CAPZA1: variants seen among roughly 807,000 people sequenced by gnomAD.
CAPZA1 encodes capping actin protein of muscle Z-line subunit alpha 1.
Under a neutral mutation model 40.8 loss-of-function variants are expected in CAPZA1, and 10 were observed. The ratio of observed to expected loss-of-function variants is 0.25; its 90% CI spans 0.15 to 0.42. The LOEUF (loss-of-function observed/expected upper bound fraction) is 0.42. Among genes scored for constraint, CAPZA1 ranks in the 10% least tolerant of loss-of-function variants. The probability of loss-of-function intolerance (pLI) is 1.00; values close to 1 mark genes in which losing one functional copy is unlikely to be tolerated. For missense variants in CAPZA1, 277 were observed against 353.8 expected (o/e 0.78, Z 1.74); for synonymous variants, 98 against 115.0 (o/e 0.85, Z 0.95).
At position 112,628,095 on chromosome 1, in the gene CAPZA1, A is replaced by G. The variant is rs114902286; in HGVS notation, c.39+8212A>G. On this transcript the variant is annotated intron_variant, in intron 1 of 9. Coordinates refer to ENST00000263168, the MANE Select transcript of CAPZA1 (RefSeq NM_006135.3). ...TAAAGATCACTAAAGTCCCCGTAAC[A>G]AGGCCAAGGAGAAACTTTACAGTAT... Among the ~76,000 whole-genome samples, 1,208 of 152,352 alleles carry G rather than the reference A, an allele frequency of 7.9e-3. 17 individuals are homozygous for G. Among genetic ancestry groups the G allele is most frequent in the African/African-American group, 0.028 (1,149 of 41,574 alleles).
At chr1:112,621,129 C>CT (rs1267260973) in intron 1 of CAPZA1, among the ~76,000 whole-genome samples, 1 of 152,134 alleles carries the variant, frequency 6.6e-6, no homozygotes, top group Non-Finnish European at 1.5e-5. Context: ...TAGATTTTCT[C>CT]TTATTTGGAA....
chr1:112,663,021 G>A (rs1187281420), intron 7 of CAPZA1, among the ~76,000 whole-genome samples: 2 of 152,112 alleles, frequency 1.3e-5, no homozygotes, highest in African/African-American at 2.4e-5. Flanking sequence ...CTGGAGTGCA[G>A]TGACACGACC....
At chr1:112,669,794 T>C (rs988246019) in intron 9 of CAPZA1, among the ~76,000 whole-genome samples, 189 bp downstream of exon 9, 3 of 152,276 alleles carry the variant, frequency 2.0e-5, no homozygotes, top group Non-Finnish European at 2.9e-5. Context: ...TGCTTGGGAC[T>C]GTAGCCCTCA....
intron 7 of CAPZA1, among the ~76,000 whole-genome samples, chr1:112,664,323 A>G (rs552200013): frequency 1.1e-4 from 17 of 152,206 alleles, no homozygotes; most frequent in Admixed American, 2.6e-4. Context: ...TTTGTTGCAA[A>G]TAGCTTTCTG....
chr1:112,663,312 T>C (rs919311306), intron 7 of CAPZA1, among the ~76,000 whole-genome samples: 1 of 152,126 alleles, frequency 6.6e-6, no homozygotes, highest in African/African-American at 2.4e-5. Flanking sequence ...CTAGTTTTTT[T>C]AATGAAAAAA....
intron 1 of CAPZA1, among the ~76,000 whole-genome samples, chr1:112,638,094 G>C (rs1362278141): frequency 2.6e-5 from 4 of 152,056 alleles, no homozygotes; most frequent in African/African-American, 9.7e-5. Context: ...AGGTTGGAAG[G>C]GTACAACAGC....
At chr1:112,653,514 C>T in intron 3 of CAPZA1, 84 bp from the exon 4 acceptor site, 3 of 880,734 alleles carry the variant, frequency 3.4e-6, no homozygotes, top group East Asian at 2.7e-5. Flanking sequence ...TTCTGTGAAC[C>T]ACCTTTTGTG....
At chr1:112,666,919 C>A (rs1439608502) in intron 7 of CAPZA1, 155 bp from the exon 8 acceptor site, 1 of 573,792 alleles carries the variant, frequency 1.7e-6, no homozygotes, top group East Asian at 2.9e-5. Context: ...TAATTAACCA[C>A]CATTGTGAAT....
In CAPZA1 at chr1:112,662,445, A is replaced by C. The variant is rs1420385741; in HGVS notation, c.585+2666A>C. Among the ~76,000 whole-genome samples the C allele has an allele frequency of 2.3e-4, 27 of 119,968 alleles. 1 individual carries two copies. The highest frequency in any genetic ancestry group is 9.0e-4 in the Admixed American group (8 of 8,894). 78.7% of individuals were successfully genotyped at this position (119,968 alleles called of 152,430 possible). On this transcript the variant is annotated intron_variant, in intron 7 of 9. Coordinates refer to ENST00000263168, the MANE Select transcript of CAPZA1 (RefSeq NM_006135.3). Reference sequence around the variant, plus strand: ...ACAGAGTCTCGCTCTGTTGCCCAGGATGGAGTGCAGTGGCAGGATCTCGGC... The same window carrying C: ...ACAGAGTCTCGCTCTGTTGCCCAGGCTGGAGTGCAGTGGCAGGATCTCGGC...
At chr1:112,652,085 C>G (rs2101169561) in intron 3 of CAPZA1, among the ~76,000 whole-genome samples, 1 of 152,108 alleles carries the variant, frequency 6.6e-6, no homozygotes, top group Non-Finnish European at 1.5e-5. Flanking sequence ...CGTACCACAG[C>G]ACTCTAGCCT....
At chr1:112,629,367 C>T (rs1389320877) in intron 1 of CAPZA1, among the ~76,000 whole-genome samples, 2 of 152,136 alleles carry the variant, frequency 1.3e-5, no homozygotes, top group Non-Finnish European at 2.9e-5. Context: ...CTTTTCTTTG[C>T]CTTGTTTTTT....
chr1:112,667,199 A>G (rs1671740892), intron 8 of CAPZA1, 54 bp downstream of exon 8: 5 of 1,346,188 alleles, frequency 3.7e-6, no homozygotes, highest in Non-Finnish European at 5.2e-6. Flanking sequence ...TTTCTTTAAA[A>G]AATTAGTTTT....
intron 1 of CAPZA1, among the ~76,000 whole-genome samples, chr1:112,631,027 C>A (rs1413179905): frequency 6.6e-6 from 1 of 152,106 alleles, no homozygotes; most frequent in Non-Finnish European, 1.5e-5. Context: ...CAAGCCCTAC[C>A]CCAGACTAGT....
At chr1:112,646,471 G>A (rs904316589) in intron 1 of CAPZA1, among the ~76,000 whole-genome samples, 1 of 152,202 alleles carries the variant, frequency 6.6e-6, no homozygotes. Flanking sequence ...CAGCTACTCA[G>A]GAGGCTGAGG....
intron 1 of CAPZA1, among the ~76,000 whole-genome samples, chr1:112,632,191 C>A (rs561167369): frequency 6.6e-6 from 1 of 152,020 alleles, no homozygotes; most frequent in African/African-American, 2.4e-5. Flanking sequence ...TGTAATGATC[C>A]CAGCTGTTTG....
intron 2 of CAPZA1, among the ~76,000 whole-genome samples, chr1:112,648,808 C>T (rs1671332211): frequency 6.6e-6 from 1 of 151,944 alleles, no homozygotes; most frequent in African/African-American, 2.4e-5. Flanking sequence ...ACTAAAAATA[C>T]AAAAATTAGC....
chr1:112,640,332 G>T (rs551548534), intron 1 of CAPZA1, among the ~76,000 whole-genome samples: 3 of 96,112 alleles, frequency 3.1e-5, no homozygotes, highest in Admixed American at 1.1e-4. Flanking sequence ...TCAGCCCCCC[G>T]CCCGGCCAGC....
At chr1:112,648,221 T>A (rs1671318445) in intron 2 of CAPZA1, among the ~76,000 whole-genome samples, 1 of 152,128 alleles carries the variant, frequency 6.6e-6, no homozygotes, top group South Asian at 2.1e-4. Context: ...ATATTTTTTC[T>A]AAAATTGTTT....
intron 7 of CAPZA1, among the ~76,000 whole-genome samples, chr1:112,666,241 C>G (rs1338698195): frequency 6.6e-6 from 1 of 152,224 alleles, no homozygotes; most frequent in African/African-American, 2.4e-5. Context: ...CCAAATTAAA[C>G]CAGTTATACT....
Sources: gnomAD v4.1 joint callset for allele counts (sites outside exome capture counted in the v4.1 genomes callset) on GRCh38, gnomAD v4.1.1 for gene constraint, MANE v1.5 for transcripts, NCBI Gene and HGNC (gene_info 2026-07-23, HGNC 2026-07-21) for gene names.